Variants in ERCC8 observed in about 807,000 individuals in gnomAD.
ERCC8 encodes DNA excision repair protein ERCC-8.
Under a neutral mutation model 54.9 loss-of-function variants are expected in ERCC8, and 52 were observed. That is an observed-to-expected ratio of 0.95 (90% confidence interval 0.76 to 1.19). The LOEUF (loss-of-function observed/expected upper bound fraction) is 1.19, where lower values mean the gene tolerates loss of function less well. ERCC8 is among the 50% of genes most tolerant of loss of function. ERCC8 has a pLI of 0.00. For synonymous variants in ERCC8, 146 were observed against 157.2 expected (o/e 0.93, Z 0.53); for missense variants, 514 against 466.1 (o/e 1.10, Z -0.95).
At position 60,874,459 on chromosome 5, in the gene ERCC8, A is replaced by T; in HGVS notation, c.*156T>A. Reference sequence around the variant, plus strand: ...AAACTATACAGAAGTCTGTTTTAGGATTTTATGCAAATATTAACCTCATTT... The same window carrying T: ...AAACTATACAGAAGTCTGTTTTAGGTTTTTATGCAAATATTAACCTCATTT... On this transcript the variant is annotated 3_prime_UTR_variant, in exon 12 of 12. Transcript: ENST00000676185. 3 of 681,150 alleles carry T rather than the reference A, an allele frequency of 4.4e-6. No individual in the cohort carries two copies. Among genetic ancestry groups the T allele is most frequent in the Middle Eastern group, 3.5e-4 (1 of 2,840 alleles). The allele number at this position is 681,150 out of a possible 1,614,324, so 42.2% of individuals were successfully genotyped here. A position where few individuals can be genotyped will look rare whatever the true frequency, so the allele number is the denominator to read the frequency against.
intron 4 of ERCC8, among the ~76,000 whole-genome samples, chr5:60,910,724 A>G (rs2112504812): frequency 6.6e-6 from 1 of 152,300 alleles, no homozygotes; most frequent in East Asian, 1.9e-4. Flanking sequence ...CCTTGTATCC[A>G]GCAAATTTGC....
chr5:60,921,994 C>A (rs964637423), intron 3 of ERCC8, 60 bp downstream of exon 3: 15 of 1,178,654 alleles, frequency 1.3e-5, no homozygotes, highest in Admixed American at 3.5e-5. Flanking sequence ...GTTTTGCATT[C>A]GATGCAAAAA....
At chr5:60,905,298 T>A (rs1749039694) in intron 4 of ERCC8, among the ~76,000 whole-genome samples, 1 of 152,142 alleles carries the variant, frequency 6.6e-6, no homozygotes, top group Non-Finnish European at 1.5e-5. Flanking sequence ...CAGTTATCTA[T>A]GACCACAATC....
At chr5:60,877,907 T>C (rs1748065701) in intron 11 of ERCC8, among the ~76,000 whole-genome samples, 1 of 152,200 alleles carries the variant, frequency 6.6e-6, no homozygotes, top group Admixed American at 6.6e-5. Flanking sequence ...TCCAACACTA[T>C]GTTGAATAGG....
Position 60,894,263 on chromosome 5 carries a change from C to T in ERCC8, c.844-3177G>A, listed in dbSNP as rs112188002. Among the ~76,000 whole-genome samples the T allele has an allele frequency of 2.3e-3, 351 of 152,106 alleles. 6 individuals carry two copies. The highest frequency in any genetic ancestry group is 8.2e-3 in the African/African-American group (340 of 41,492). On this transcript the variant is annotated intron_variant, in intron 9 of 11. Transcript: ENST00000676185. ...TCTCCCAAAGTGCTGGGATTACAGG[C>T]GTGAGCCACTGCGCCCGGCTGGGAA...
intron 4 of ERCC8, chr5:60,909,835 T>TC (rs1461089960): frequency 1.3e-5 from 2 of 152,076 alleles, no homozygotes; most frequent in Non-Finnish European, 2.9e-5. Flanking sequence ...ACGCCTGTAG[T>TC]CCCAGATACT....
chr5:60,880,546 T>C (rs371791493), intron 11 of ERCC8, among the ~76,000 whole-genome samples: 3 of 152,220 alleles, frequency 2.0e-5, no homozygotes, highest in Admixed American at 6.5e-5. Context: ...CCATATTTCT[T>C]GGAGGCTTTG....
chr5:60,900,456 C>A (rs1327511261), intron 7 of ERCC8, among the ~76,000 whole-genome samples: 1 of 151,898 alleles, frequency 6.6e-6, no homozygotes, highest in Non-Finnish European at 1.5e-5. Context: ...AGGACCTCAA[C>A]AATATTGTAA....
chr5:60,882,001 C>T (rs1006700127), intron 11 of ERCC8, among the ~76,000 whole-genome samples: 1 of 152,150 alleles, frequency 6.6e-6, no homozygotes, highest in Non-Finnish European at 1.5e-5. Flanking sequence ...CATCTTGGCT[C>T]CACCTAGTTT....
In ERCC8 at chr5:60,903,747, T is replaced by C. The variant is rs1580005923; in HGVS notation, c.482-31A>G. 8 of 1,604,844 alleles carry C rather than the reference T, an allele frequency of 5.0e-6. 1 individual carries two copies. In the East Asian group the frequency reaches 1.8e-4, roughly 36 times the overall value. On this transcript the variant is annotated intron_variant, in intron 5 of 11. Coordinates refer to ENST00000676185, the MANE Select transcript of ERCC8 (RefSeq NM_000082.4). ...AAAACAGAACCGGTTTAAGATAATT[T>C]TATCATAAGTCATCATCAAAAGGAA...
At chr5:60,933,590 A>G (rs1316823857) in intron 1 of ERCC8, among the ~76,000 whole-genome samples, 1 of 151,996 alleles carries the variant, frequency 6.6e-6, no homozygotes, top group Non-Finnish European at 1.5e-5. Flanking sequence ...TTTTTTATTT[A>G]TCAATAGGTT....
chr5:60,878,900 C>T (rs927187787), intron 11 of ERCC8, among the ~76,000 whole-genome samples: 2 of 152,080 alleles, frequency 1.3e-5, no homozygotes, highest in Non-Finnish European at 2.9e-5. Context: ...TTATTTCTTA[C>T]CTTCTGCTAG....
intron 5 of ERCC8, 53 bp downstream of exon 5, chr5:60,904,739 A>G (rs1226468532): frequency 9.3e-7 from 1 of 1,076,386 alleles, no homozygotes; most frequent in Non-Finnish European, 1.4e-6. Flanking sequence ...ACTACATATA[A>G]AAAGGGAGAA....
At chr5:60,919,894 G>C (rs370342799) in intron 3 of ERCC8, among the ~76,000 whole-genome samples, 4 of 152,062 alleles carry the variant, frequency 2.6e-5, no homozygotes, top group African/African-American at 9.6e-5. Context: ...AGGTGTATAC[G>C]CATGCTGGAC....
chr5:60,913,218 G>C (rs1749326277), intron 4 of ERCC8, among the ~76,000 whole-genome samples: 1 of 152,012 alleles, frequency 6.6e-6, no homozygotes, highest in Admixed American at 6.6e-5. Context: ...AATCCGTCTG[G>C]TCCTGGACTT....
chr5:60,898,120 T>C (rs187054324), intron 9 of ERCC8, among the ~76,000 whole-genome samples, 156 bp downstream of exon 9: 171 of 152,296 alleles, frequency 1.1e-3, no homozygotes, highest in Middle Eastern at 3.4e-3. Flanking sequence ...TGGGTTGTCC[T>C]GAGTTGAGAA....
Position 60,892,726 on chromosome 5 carries a change from C to T in ERCC8, c.844-1640G>A, listed in dbSNP as rs1748601331. ...ATGCAGTTATGCAGGATGGTGCCCACCTCTGAGCTGGGCCCTGGAACAATG... is the reference window on the plus strand; with the variant it reads ...ATGCAGTTATGCAGGATGGTGCCCATCTCTGAGCTGGGCCCTGGAACAATG... On this transcript the variant is annotated intron_variant, in intron 9 of 11. Coordinates refer to ENST00000676185, the MANE Select transcript of ERCC8 (RefSeq NM_000082.4). The T allele has an allele frequency of 8.6e-6, 6 of 696,196 alleles. No homozygotes were observed. The South Asian group carries it at 9.4e-5, about 11-fold the overall frequency. 43.1% of individuals were successfully genotyped at this position (696,196 alleles called of 1,614,324 possible). A position where few individuals can be genotyped will look rare whatever the true frequency, so the allele number is the denominator to read the frequency against.
At chr5:60,919,233 T>C (rs144637956) in intron 3 of ERCC8, 1 of 151,964 alleles carries the variant, frequency 6.6e-6, no homozygotes, top group South Asian at 2.1e-4. Context: ...TTGTTCGAGA[T>C]TTGCTTCAAC....
At chr5:60,875,187 C>T (rs1432125231) in intron 11 of ERCC8, among the ~76,000 whole-genome samples, 3 of 152,114 alleles carry the variant, frequency 2.0e-5, no homozygotes, top group South Asian at 4.1e-4. Flanking sequence ...CTGAATAATA[C>T]CATTTTTAGT....
Sources: gnomAD v4.1 joint callset for allele counts (sites outside exome capture counted in the v4.1 genomes callset) on GRCh38, gnomAD v4.1.1 for gene constraint, MANE v1.5 for transcripts, NCBI Gene and HGNC (gene_info 2026-07-23, HGNC 2026-07-21) for gene names.